Variants in ARSB observed in about 807,000 individuals in gnomAD.
The protein encoded by ARSB is arylsulfatase B.
ARSB carries 41 observed loss-of-function variants against 50.9 expected under a neutral mutation model. That is an observed-to-expected ratio of 0.81 (90% CI 0.63 to 1.04). ARSB has a LOEUF of 1.04. Among genes scored for constraint, ARSB ranks in the 50% least tolerant of loss-of-function variants. The probability of loss-of-function intolerance (pLI) is 0.00; values close to 1 mark genes in which losing one functional copy is unlikely to be tolerated. For missense variants in ARSB, 672 were observed against 693.3 expected (o/e 0.97, Z 0.35); for synonymous variants, 269 against 284.8 (o/e 0.94, Z 0.56).
rs757061042 is a variant in ARSB at position 78,969,067 on chromosome 5, C to T, written c.438G>A (p.Trp146Ter). Residue 146 changes from tryptophan to a stop codon, truncating the protein, a stop_gained, in exon 2 of 8, where the codon TGG becomes TGA. Coordinates refer to ENST00000264914, the MANE Select transcript of ARSB (RefSeq NM_000046.5). LOFTEE classifies it high-confidence loss of function. ...ATTCTTTCCGGTACATTCCCAGGTG[C>T]CATTTTCCGACCATATGGGTAGTAT... ...AGYTTHMVGK[W>*]HLGMYRKECL... is the part of the protein sequence containing the mutation. The T allele has an allele frequency of 6.2e-7, 1 of 1,614,160 alleles. No homozygotes were observed. The highest frequency in any genetic ancestry group is 8.5e-7 in the Non-Finnish European group (1 of 1,180,016).
Position 78,861,380 on chromosome 5 carries a change from C to T in ARSB, c.1143-21954G>A, listed in dbSNP as rs1362756580. On this transcript the variant is annotated intron_variant, in intron 5 of 7. Transcript: ENST00000264914. ...AATCCTCAATAAAATACTGGCAAAC[C>T]GAATCCAGCAGCACATCAAAAAGCT... Among the ~76,000 whole-genome samples the T allele has an allele frequency of 5.3e-5, 8 of 151,998 alleles. No homozygotes were observed. The East Asian group carries it at 7.7e-4, about 15-fold the overall frequency.
At chr5:78,795,827 C>T (rs1724687068) in intron 6 of ARSB, among the ~76,000 whole-genome samples, 1 of 152,218 alleles carries the variant, frequency 6.6e-6, no homozygotes, top group Non-Finnish European at 1.5e-5. Flanking sequence ...TTATGATTTT[C>T]AGTTTACAAA....
chr5:78,794,248 G>A (rs1743096545), intron 6 of ARSB, among the ~76,000 whole-genome samples: 1 of 151,958 alleles, frequency 6.6e-6, no homozygotes, highest in South Asian at 2.1e-4. Flanking sequence ...TGGGCTTGCG[G>A]CTCTGTTAAA....
chr5:78,835,000 T>C (rs1744888363), intron 6 of ARSB, among the ~76,000 whole-genome samples: 1 of 145,588 alleles, frequency 6.9e-6, no homozygotes, highest in South Asian at 2.4e-4. Context: ...TCTCTCTCCT[T>C]TTCTTTCTTT....
chr5:78,836,668 G>T (rs1486301946), intron 6 of ARSB, among the ~76,000 whole-genome samples: 1 of 152,122 alleles, frequency 6.6e-6, no homozygotes, highest in Non-Finnish European at 1.5e-5. Context: ...TTTTGCTAGG[G>T]CCCTTTAGGT....
chr5:78,836,900 G>C (rs1744978749), intron 6 of ARSB, among the ~76,000 whole-genome samples: 1 of 152,178 alleles, frequency 6.6e-6, no homozygotes, highest in Non-Finnish European at 1.5e-5. Flanking sequence ...GAGGAGGCAG[G>C]TATGTCCTAC....
intron 4 of ARSB, among the ~76,000 whole-genome samples, chr5:78,901,822 G>C (rs1298580362): frequency 6.6e-6 from 1 of 152,138 alleles, no homozygotes; most frequent in African/African-American, 2.4e-5. Flanking sequence ...ACCATAAGAA[G>C]ATACCACTTT....
Position 78,985,000 on chromosome 5 carries a change from G to A in ARSB, c.249C>T (p.Asp83=). The change falls in exon 1 of 8, where the codon GAC becomes GAT. Residue 83 remains aspartate (D), a synonymous_variant. Coordinates refer to ENST00000264914, the MANE Select transcript of ARSB (RefSeq NM_000046.5). ...DALAAGGVLL[D]NYYTQPLCTP... ...TGCACAGCGGCTGCGTGTAGTAGTTGTCCAGGAGCACCCCGCCGGCCGCCA... is the reference window on the plus strand; with the variant it reads ...TGCACAGCGGCTGCGTGTAGTAGTTATCCAGGAGCACCCCGCCGGCCGCCA... 6.5e-7 allele frequency: 1 copy of A among 1,539,374 alleles called. No homozygotes were observed. Among genetic ancestry groups the A allele is most frequent in the Non-Finnish European group, 8.7e-7 (1 of 1,146,372 alleles).
intron 5 of ARSB, among the ~76,000 whole-genome samples, chr5:78,871,335 CAA>C (rs2112151690): frequency 6.6e-6 from 1 of 152,110 alleles, no homozygotes; most frequent in East Asian, 1.9e-4. Flanking sequence ...CATATGGAAC[CAA>C]AAAAGAGCCC....
chr5:78,967,534 G>A lies in ARSB; in HGVS notation c.499+1472C>T, dbSNP rs545054235. Among the ~76,000 whole-genome samples, 242 of 152,092 alleles carry A rather than the reference G, an allele frequency of 1.6e-3. 3 individuals are homozygous for A. In the South Asian group the frequency reaches 0.016, roughly 10 times the overall value. On this transcript the variant is annotated intron_variant, in intron 2 of 7. Coordinates refer to ENST00000264914, the MANE Select transcript of ARSB (RefSeq NM_000046.5). ...CTAAAAATATAAAAATTAGCTGAGC[G>A]TGGTGGCACACACCTATAATCCCAG...
upstream of ARSB, chr5:78,985,545 T>G: frequency 4.3e-6 from 1 of 230,746 alleles, no homozygotes; most frequent in Non-Finnish European, 8.2e-6. Flanking sequence ...CAATTAAATT[T>G]GCACTGTGGT....
At chr5:78,849,615 G>C (rs1745648023) in intron 5 of ARSB, among the ~76,000 whole-genome samples, 1 of 151,858 alleles carries the variant, frequency 6.6e-6, no homozygotes, top group Non-Finnish European at 1.5e-5. Context: ...TTGGTAGCTT[G>C]ATGGGGATGG....
chr5:78,954,045 G>GCTTA (rs1751599217), intron 4 of ARSB, among the ~76,000 whole-genome samples: 1 of 151,760 alleles, frequency 6.6e-6, no homozygotes, highest in African/African-American at 2.4e-5. Flanking sequence ...TCAATAGGAA[G>GCTTA]CTTACAAAAC....
intron 6 of ARSB, among the ~76,000 whole-genome samples, chr5:78,809,838 T>C (rs935542874): frequency 5.3e-5 from 8 of 152,212 alleles, no homozygotes; most frequent in Non-Finnish European, 1.2e-4. Context: ...GACATGCTTC[T>C]CAAGCTACAG....
intron 4 of ARSB, among the ~76,000 whole-genome samples, chr5:78,924,060 G>T (rs1749942327): frequency 6.6e-6 from 1 of 152,060 alleles, no homozygotes. Context: ...ATTTGTAATT[G>T]CCCAGAGATT....
At chr5:78,851,685 G>A (rs1024254863) in intron 5 of ARSB, among the ~76,000 whole-genome samples, 4 of 152,172 alleles carry the variant, frequency 2.6e-5, no homozygotes, top group African/African-American at 9.7e-5. Context: ...TTATTATTGT[G>A]TGGGAGTCTA....
At chr5:78,822,625 T>C (rs141576715) in intron 6 of ARSB, among the ~76,000 whole-genome samples, 63 of 152,284 alleles carry the variant, frequency 4.1e-4, no homozygotes, top group Non-Finnish European at 7.2e-4. Context: ...CTCTTTCTAA[T>C]CCTGTTTTTT....
Position 78,938,194 on chromosome 5 carries a change from C to A in ARSB, c.898+17101G>T, listed in dbSNP as rs188332224. 5.9e-5 allele frequency among the ~76,000 whole-genome samples: 9 copies of A among 152,334 alleles called. No individual in the cohort carries two copies. In the East Asian group the frequency reaches 1.7e-3, roughly 29 times the overall value. On this transcript the variant is annotated intron_variant, in intron 4 of 7. Transcript: ENST00000264914. ...ACTACCATCCCCAGCCCTGGAACCT[C>A]TGCTTTGTAACTCAGCCAGGGACAC...
At chr5:78,903,350 G>C (rs1748887892) in intron 4 of ARSB, among the ~76,000 whole-genome samples, 1 of 152,160 alleles carries the variant, frequency 6.6e-6, no homozygotes, top group Admixed American at 6.5e-5. Flanking sequence ...CCCACTCCAT[G>C]TATATTTCAG....
Sources: allele counts gnomAD v4.1 joint callset (sites outside exome capture counted in the v4.1 genomes callset), GRCh38; gene constraint gnomAD v4.1.1; transcripts MANE v1.5; gene names NCBI Gene and HGNC (gene_info 2026-07-23, HGNC 2026-07-21).